The following MGST1 variants were observed in gnomAD, a reference collection of about 807,000 sequenced individuals.
MGST1 encodes microsomal glutathione S-transferase 1, also known as glutathione S-transferase 12.
Under a neutral mutation model 8.9 loss-of-function variants are expected in MGST1, and 5 were observed. The ratio of observed to expected loss-of-function variants is 0.56; its 90% CI spans 0.29 to 1.19. The LOEUF (loss-of-function observed/expected upper bound fraction) is 1.19, where lower values mean the gene tolerates loss of function less well. MGST1 is among the 50% of genes most tolerant of loss of function. The probability of loss-of-function intolerance (pLI) is 0.08; values close to 1 mark genes in which losing one functional copy is unlikely to be tolerated. For synonymous variants in MGST1, 54 were observed against 67.8 expected (o/e 0.80, Z 1.00); for missense variants, 182 against 187.4 (o/e 0.97, Z 0.17).
chr12:16,426,969 C>CAA (rs572147225), intron 1 of MGST1, among the ~76,000 whole-genome samples: 2,075 of 84,086 alleles, frequency 0.025, 38 homozygotes, highest in Non-Finnish European at 0.034. Context: ...GACTCTGTCT[C>CAA]AAAAAAAAAA....
intron 4 of MGST1, among the ~76,000 whole-genome samples, chr12:16,533,271 T>C (rs1016122224): frequency 6.6e-6 from 1 of 152,130 alleles, no homozygotes; most frequent in African/African-American, 2.4e-5. Flanking sequence ...GGGGAAAATG[T>C]TAAAGGTGAG....
At chr12:16,420,522 T>A (rs561379236) in intron 1 of MGST1, among the ~76,000 whole-genome samples, 1 of 152,284 alleles carries the variant, frequency 6.6e-6, no homozygotes, top group South Asian at 2.1e-4. Flanking sequence ...TATTGGCAAG[T>A]GCTCTCAGGA....
rs1565458912 is a variant in MGST1, at chr12:16,459,357, A to G, written n.482+75753A>G. 2.0e-5 allele frequency among the ~76,000 whole-genome samples: 3 copies of G among 152,170 alleles called. No homozygotes were observed. The South Asian group carries it at 6.2e-4, about 32-fold the overall frequency. On this transcript the variant is annotated intron_variant and non_coding_transcript_variant, in intron 4 of 4. Transcript: ENST00000538857. ...TACGGCATGGATTCTTTAACTTGGT[A>G]CAATGTGGTGAATGAGGAAGAAAAT...
intron 1 of MGST1, among the ~76,000 whole-genome samples, chr12:16,390,992 A>G (rs931328676): frequency 6.6e-6 from 1 of 151,952 alleles, no homozygotes; most frequent in African/African-American, 2.4e-5. Context: ...CTTTTTAGTA[A>G]TAGCCATTAT....
intron 1 of MGST1, among the ~76,000 whole-genome samples, chr12:16,424,366 C>T (rs1477186922): frequency 6.6e-6 from 1 of 152,172 alleles, no homozygotes; most frequent in Non-Finnish European, 1.5e-5. Flanking sequence ...AATAAAGTCT[C>T]TCATGCATCA....
chr12:16,579,622 T>C (rs1447888207), intron 4 of MGST1, among the ~76,000 whole-genome samples: 1 of 152,186 alleles, frequency 6.6e-6, no homozygotes, highest in African/African-American at 2.4e-5. Flanking sequence ...GGTGGAATCC[T>C]TTAGTTGAAG....
intron 4 of MGST1, among the ~76,000 whole-genome samples, chr12:16,476,248 GAAA>G: frequency 6.6e-6 from 1 of 152,256 alleles, no homozygotes; most frequent in East Asian, 1.9e-4. Flanking sequence ...CACTAAGCAG[GAAA>G]AATAAGGAGA....
chr12:16,520,094 A>G (rs1941639048), intron 4 of MGST1, among the ~76,000 whole-genome samples: 1 of 152,134 alleles, frequency 6.6e-6, no homozygotes, highest in Admixed American at 6.6e-5. Flanking sequence ...GCTTTTTGGC[A>G]AAATATTTAA....
Position 16,548,942 on chromosome 12 carries a change from T to G in MGST1, n.483-40586T>G, listed in dbSNP as rs1941885203. 6.6e-6 allele frequency: 1 copy of G among 152,144 alleles called. No individual in the cohort carries two copies. The highest frequency in any genetic ancestry group is 6.5e-5 in the Admixed American group (1 of 15,270). The allele number at this position is 152,144 out of a possible 1,614,324, so 9.4% of individuals were successfully genotyped here. On this transcript the variant is annotated intron_variant and non_coding_transcript_variant, in intron 4 of 4. Transcript: ENST00000538857. This position sits in a 1 kb window ranked among gnomAD's most constrained non-coding sequence, Gnocchi z 4.2. ...AAAGAAAAAGCAGTGAAAACCTTGT[T>G]TGGTCTTCCAGTGGCAAGGATAGTT...
chr12:16,388,784 T>C (rs1940525924), intron 1 of MGST1, among the ~76,000 whole-genome samples: 3 of 152,180 alleles, frequency 2.0e-5, no homozygotes. Context: ...TTAAAACTAA[T>C]GGACCTCGAG....
rs1378619099 is a variant in MGST1 at position 16,555,164 on chromosome 12, C to CCAAA, written n.483-34364_483-34363insCAAA. On this transcript the variant is annotated intron_variant and non_coding_transcript_variant, in intron 4 of 4. Transcript: ENST00000538857. This position sits in a 1 kb window ranked among gnomAD's most constrained non-coding sequence, Gnocchi z 5.5. ...TTGACTAATACTTTATCAGAATTTG[C>CCAAA]TATCATTATTATTTGGTAATGATAA... is the stretch of plus-strand genomic sequence containing the variant. 6.6e-6 allele frequency among the ~76,000 whole-genome samples: 1 copy of CCAAA among 152,184 alleles called. No individual in the cohort carries two copies. The highest frequency in any genetic ancestry group is 2.4e-5 in the African/African-American group (1 of 41,446).
At chr12:16,384,159 T>C (rs1940483742) in intron 1 of MGST1, among the ~76,000 whole-genome samples, 1 of 152,104 alleles carries the variant, frequency 6.6e-6, no homozygotes, top group African/African-American at 2.4e-5. Flanking sequence ...AACTTACCCA[T>C]CTCTGGCCTT....
At chr12:16,520,300 T>G (rs2058792) in intron 4 of MGST1, among the ~76,000 whole-genome samples, 1 of 152,142 alleles carries the variant, frequency 6.6e-6, no homozygotes, top group Non-Finnish European at 1.5e-5. Flanking sequence ...TTATTTATGT[T>G]CAAAAAATCT....
intron 4 of MGST1, chr12:16,551,149 C>T: frequency 2.0e-6 from 2 of 977,742 alleles, no homozygotes; most frequent in Admixed American, 1.7e-5. Flanking sequence ...TGTGTCAATT[C>T]TTATGTACAT....
In MGST1 at chr12:16,559,280, TA is replaced by T; in HGVS notation, n.483-30247del. ...GTTCTAAAATCCTCTCCATTTATCA[TA>T]TAAAACAGGTGCCAGTAGTATATAG... On this transcript the variant is annotated intron_variant and non_coding_transcript_variant, in intron 4 of 4. Transcript: ENST00000538857. This position sits in a 1 kb window ranked among gnomAD's most constrained non-coding sequence, Gnocchi z 4.1. Among the ~76,000 whole-genome samples, 1 of 152,316 alleles carries T rather than the reference TA, an allele frequency of 6.6e-6. No individual in the cohort carries two copies. Among genetic ancestry groups the T allele is most frequent in the African/African-American group, 2.4e-5 (1 of 41,578 alleles).
intron 4 of MGST1, among the ~76,000 whole-genome samples, chr12:16,533,662 G>A (rs1941736322): frequency 6.6e-6 from 1 of 151,776 alleles, no homozygotes; most frequent in Admixed American, 6.6e-5. Flanking sequence ...GTGCCATTAT[G>A]TGCCAGATAT....
chr12:16,428,472 TG>T (rs1357468693), intron 1 of MGST1, among the ~76,000 whole-genome samples: 9 of 151,992 alleles, frequency 5.9e-5, no homozygotes, highest in African/African-American at 1.4e-4. Flanking sequence ...ACATTTCTAT[TG>T]TTTTTTTTTT....
At chr12:16,381,622 G>C (rs961007948), downstream of MGST1, among the ~76,000 whole-genome samples, 4 of 151,838 alleles carry the variant, frequency 2.6e-5, no homozygotes, top group Non-Finnish European at 5.9e-5. Flanking sequence ...TGTGTCTTGG[G>C]GTTGCTCTCG....
intron 4 of MGST1, among the ~76,000 whole-genome samples, chr12:16,498,917 C>T (rs896025126): frequency 4.6e-5 from 7 of 152,142 alleles, no homozygotes; most frequent in African/African-American, 7.2e-5. Context: ...AAGGAGACTC[C>T]GGTGATATAA....
Sources: gnomAD v4.1 joint callset for allele counts (sites outside exome capture counted in the v4.1 genomes callset) on GRCh38, gnomAD v4.1.1 for gene constraint, Gnocchi (gnomAD v3.1) non-coding constraint, MANE v1.5 for transcripts, NCBI Gene and HGNC (gene_info 2026-07-23, HGNC 2026-07-21) for gene names.